Variants in TCF7L2 observed in about 807,000 individuals in gnomAD.
The protein encoded by TCF7L2 is transcription factor 7 like 2.
TCF7L2 carries 23 observed loss-of-function variants against 77.9 expected under a neutral mutation model. The ratio of observed to expected loss-of-function variants is 0.30; its 90% CI spans 0.21 to 0.42. TCF7L2 has a LOEUF of 0.42. Ranked by LOEUF, TCF7L2 falls within the 10% of genes least tolerant of loss-of-function variation. The pLI is 1.00. For missense variants in TCF7L2, 654 were observed against 793.1 expected, an observed-to-expected ratio of 0.82 and a Z score of 2.11; for synonymous variants, 413 against 340.2, an observed-to-expected ratio of 1.21 and a Z score of -2.36.
intron 5 of TCF7L2, among the ~76,000 whole-genome samples, chr10:113,092,633 C>T (rs754088615): frequency 3.3e-5 from 5 of 152,150 alleles, no homozygotes; most frequent in Non-Finnish European, 5.9e-5. Context: ...GTAATCCCAG[C>T]ACTTCAGAAG....
intron 5 of TCF7L2, chr10:113,126,013 AT>A (rs2065528963): frequency 1.3e-5 from 2 of 151,606 alleles, no homozygotes; most frequent in Non-Finnish European, 2.9e-5. Flanking sequence ...ATCAATAGTC[AT>A]TTTTTCCTAC....
At chr10:113,079,906 C>T (rs1156858905) in intron 5 of TCF7L2, among the ~76,000 whole-genome samples, 1 of 152,036 alleles carries the variant, frequency 6.6e-6, no homozygotes, top group East Asian at 1.9e-4. Flanking sequence ...GAACCACCCC[C>T]CTCCGCCTCC....
chr10:112,992,477 C>A (rs1003090829), intron 4 of TCF7L2, among the ~76,000 whole-genome samples: 4 of 152,140 alleles, frequency 2.6e-5, no homozygotes, highest in Non-Finnish European at 5.9e-5. Flanking sequence ...TGCCAATTGC[C>A]CGAGTGCTGG....
At chr10:113,148,260 C>T (rs539991613) in intron 8 of TCF7L2, among the ~76,000 whole-genome samples, 1 of 152,292 alleles carries the variant, frequency 6.6e-6, no homozygotes, top group Admixed American at 6.5e-5. Context: ...TCCGGGCCCT[C>T]AGCCTGCTAA....
rs142203602 is a variant in TCF7L2, at chr10:113,143,133, A to G, written c.686-790A>G. On this transcript the variant is annotated intron_variant, in intron 6 of 13. Transcript: ENST00000627217. ...ATTCCTCTCTGTCAGAGTGGACTAC[A>G]GGATGTGCTCCTGTGGAACTGGCAG... 8.3e-4 allele frequency among the ~76,000 whole-genome samples: 126 copies of G among 152,364 alleles called. 1 individual carries two copies. Among genetic ancestry groups the G allele is most frequent in the Middle Eastern group, 3.4e-3 (1 of 294 alleles).
chr10:113,159,476 A>G (rs1338496672), intron 12 of TCF7L2, among the ~76,000 whole-genome samples: 1 of 152,042 alleles, frequency 6.6e-6, no homozygotes. Context: ...TGAGAAGAAA[A>G]AAGCATGTTA....
At chr10:113,123,275 G>A (rs1235286809) in intron 5 of TCF7L2, among the ~76,000 whole-genome samples, 2 of 152,200 alleles carry the variant, frequency 1.3e-5, no homozygotes, top group Admixed American at 6.5e-5. Flanking sequence ...GGTTCAGAGC[G>A]CACAAAGATG....
At chr10:113,025,097 G>A (rs901807205) in intron 4 of TCF7L2, among the ~76,000 whole-genome samples, 1 of 151,760 alleles carries the variant, frequency 6.6e-6, no homozygotes, top group African/African-American at 2.4e-5. Context: ...TTGCTCTGTT[G>A]CCCAGGCTGA....
chr10:112,959,629 G>T (rs550816537), intron 3 of TCF7L2, among the ~76,000 whole-genome samples: 19 of 152,260 alleles, frequency 1.2e-4, no homozygotes, highest in African/African-American at 4.3e-4. Flanking sequence ...TTAAGCTCAA[G>T]TACCAGGCAA....
At chr10:112,984,751 A>G (rs1184222809) in intron 4 of TCF7L2, among the ~76,000 whole-genome samples, 1 of 152,190 alleles carries the variant, frequency 6.6e-6, no homozygotes, top group Non-Finnish European at 1.5e-5. Context: ...TAGGTCTGCT[A>G]TTAAATTATC....
intron 5 of TCF7L2, among the ~76,000 whole-genome samples, chr10:113,107,660 G>T (rs1194729232): frequency 2.7e-5 from 4 of 149,622 alleles, no homozygotes; most frequent in Non-Finnish European, 5.9e-5. Flanking sequence ...GGAGAATGGC[G>T]TGAACCCGGG....
chr10:112,975,502 A>G (rs972452334), intron 4 of TCF7L2, among the ~76,000 whole-genome samples: 1 of 152,048 alleles, frequency 6.6e-6, no homozygotes, highest in Admixed American at 6.6e-5. Context: ...TTTATTTGAG[A>G]CAAGAGTCTC....
chr10:113,102,432 T>G (rs1199649061), intron 5 of TCF7L2, among the ~76,000 whole-genome samples: 12 of 151,366 alleles, frequency 7.9e-5, no homozygotes, highest in South Asian at 2.1e-4. Flanking sequence ...TGTTTGTTTT[T>G]TTTTTTTTTT....
chr10:112,953,937 A>G (rs754152509), intron 3 of TCF7L2, among the ~76,000 whole-genome samples: 18 of 152,208 alleles, frequency 1.2e-4, no homozygotes, highest in Non-Finnish European at 2.5e-4. Context: ...CTTTGTGTAC[A>G]CTGCCCCTTC....
intron 3 of TCF7L2, among the ~76,000 whole-genome samples, chr10:112,955,848 A>G (rs1168015621): frequency 6.6e-6 from 1 of 152,110 alleles, no homozygotes; most frequent in Non-Finnish European, 1.5e-5. Context: ...TGAAAAAAAT[A>G]TTTGCTTTAG....
At chr10:113,130,078 T>C (rs375437838) in intron 5 of TCF7L2, 342 of 856,060 alleles carry the variant, frequency 4.0e-4, no homozygotes, top group Middle Eastern at 1.7e-3. Flanking sequence ...CTATGCTTTT[T>C]CCCCCCCCTT....
intron 5 of TCF7L2, among the ~76,000 whole-genome samples, chr10:113,088,127 A>T (rs1378698357): frequency 2.6e-5 from 4 of 152,104 alleles, no homozygotes; most frequent in African/African-American, 9.7e-5. Context: ...CATAAAGGGC[A>T]TAGCTATTTC....
chr10:113,090,900 G>A (rs1029847319), intron 5 of TCF7L2, among the ~76,000 whole-genome samples: 6 of 152,078 alleles, frequency 3.9e-5, no homozygotes, highest in Non-Finnish European at 7.4e-5. Context: ...GAACAACCAT[G>A]CCTGGTCTTT....
In TCF7L2 at chr10:113,152,359, A is replaced by G. The variant is rs1340785019; in HGVS notation, c.1188A>G (p.Gln396=). ...GGCATGCACTGTCCAGAGAAGAGCA[A>G]GCGAAATACTACGAGCTGGCCCGGA... The change falls in exon 11 of 14, where the codon CAA becomes CAG. Residue 396 remains glutamine, a synonymous_variant. Coordinates refer to ENST00000627217, the MANE Select transcript of TCF7L2 (RefSeq NM_001146274.2). The G allele has an allele frequency of 1.2e-6, 2 of 1,614,198 alleles. No homozygotes were observed. Among genetic ancestry groups the G allele is most frequent in the South Asian group, 1.1e-5 (1 of 91,086 alleles).
Sources: gnomAD v4.1 joint callset for allele counts (sites outside exome capture counted in the v4.1 genomes callset) on GRCh38, gnomAD v4.1.1 for gene constraint, MANE v1.5 for transcripts, NCBI Gene and HGNC (gene_info 2026-07-23, HGNC 2026-07-21) for gene names.